Variants in ODF2 observed in about 807,000 individuals in gnomAD.
The protein encoded by ODF2 is outer dense fiber of sperm tails 2, also known as outer dense fiber protein 2.
Under a neutral mutation model 110.2 loss-of-function variants are expected in ODF2, and 47 were observed. The ratio of observed to expected loss-of-function variants is 0.43; its 90% confidence interval spans 0.34 to 0.54. The LOEUF (loss-of-function observed/expected upper bound fraction) is 0.54, where lower values mean the gene tolerates loss of function less well. Among genes scored for constraint, ODF2 ranks in the 20% least tolerant of loss-of-function variants. ODF2 has a pLI of 0.03. For synonymous variants in ODF2, 352 were observed against 397.7 expected (o/e 0.89, Z 1.37); for missense variants, 812 against 1,054.5 (o/e 0.77, Z 3.19).
intron 14 of ODF2, among the ~76,000 whole-genome samples, chr9:128,491,629 A>ACT (rs1371179865): frequency 6.6e-6 from 1 of 151,634 alleles, no homozygotes; most frequent in African/African-American, 2.4e-5. Flanking sequence ...GTGCCTTTGC[A>ACT]CTCCAGCCTG....
At chr9:128,460,222 C>A in intron 3 of ODF2, 3 of 1,318,954 alleles carry the variant, frequency 2.3e-6, no homozygotes, top group Non-Finnish European at 3.0e-6. Flanking sequence ...CAAGGAGGAG[C>A]TGTGCATTCC....
intron 18 of ODF2, among the ~76,000 whole-genome samples, chr9:128,497,325 C>T (rs1333792188): frequency 7.5e-5 from 11 of 147,480 alleles, no homozygotes; most frequent in African/African-American, 1.5e-4. Flanking sequence ...TGGTGTCTCA[C>T]GCCTGTAATC....
At position 128,457,157 on chromosome 9, in the gene ODF2, C is replaced by T. The variant is rs1410363301; in HGVS notation, c.-208-41C>T. 3.3e-6 allele frequency: 5 copies of T among 1,498,188 alleles called. No individual in the cohort carries two copies. The East Asian group carries it at 1.1e-4, about 32-fold the overall frequency. The allele number at this position is 1,498,188 out of a possible 1,614,324, so 92.8% of individuals were successfully genotyped here. A position where few individuals can be genotyped will look rare whatever the true frequency, so the allele number is the denominator to read the frequency against. ...CCCCTCCCCTTCCTCCCCTCTGCCCCCAGGTCGCTCAGCCTCTACTATTTC... is the reference window on the plus strand; with the variant it reads ...CCCCTCCCCTTCCTCCCCTCTGCCCTCAGGTCGCTCAGCCTCTACTATTTC... On this transcript the variant is annotated intron_variant, in intron 1 of 20. Coordinates refer to ENST00000604420, the Ensembl canonical transcript of ODF2.
intron 8 of ODF2, among the ~76,000 whole-genome samples, chr9:128,478,371 G>A (rs985420450): frequency 6.6e-5 from 10 of 152,094 alleles, no homozygotes; most frequent in Non-Finnish European, 1.2e-4. Context: ...GCCGAGGTGG[G>A]CAGATTGCCT....
chr9:128,494,505 T>C lies in ODF2; in HGVS notation c.1753-5T>C. 1 of 1,613,864 alleles carries C rather than the reference T, an allele frequency of 6.2e-7. No individual in the cohort carries two copies. The highest frequency in any genetic ancestry group is 8.5e-7 in the Non-Finnish European group (1 of 1,179,786). Reference sequence around the variant, plus strand: ...CTTCCTGTGGGTCTTTCCTTCCTGTTTCAGGCACGAAGGCAGTTCCAGTCT... The same window carrying C: ...CTTCCTGTGGGTCTTTCCTTCCTGTCTCAGGCACGAAGGCAGTTCCAGTCT... On this transcript the variant is annotated splice_region_variant and splice_polypyrimidine_tract_variant and intron_variant, in intron 16 of 20. Transcript: ENST00000604420. The surrounding 1 kb of genome is among the most constrained non-coding windows in gnomAD (Gnocchi z 4.6).
At chr9:128,474,637 A>C (rs1478245321) in intron 8 of ODF2, among the ~76,000 whole-genome samples, 2 of 143,680 alleles carry the variant, frequency 1.4e-5, no homozygotes, top group African/African-American at 5.2e-5. Flanking sequence ...CTCCAGCCTC[A>C]GCGACAGAGC....
chr9:128,460,017 T>C, intron 3 of ODF2: 1 of 643,930 alleles, frequency 1.6e-6, no homozygotes, highest in Non-Finnish European at 2.5e-6. Context: ...TTGCTCATGT[T>C]TTCTTTAGAA....
At chr9:128,495,189 C>T (rs780561132) in intron 17 of ODF2, among the ~76,000 whole-genome samples, 12 of 152,222 alleles carry the variant, frequency 7.9e-5, no homozygotes, top group Non-Finnish European at 1.6e-4. Flanking sequence ...TCATTTGCAG[C>T]GTGACCTTGG....
rs1835232289 is a variant in ODF2, at chr9:128,457,561, G to A, written c.32+124G>A. 5 of 1,291,870 alleles carry A rather than the reference G, an allele frequency of 3.9e-6. No homozygotes were observed. In the African/African-American group the frequency reaches 4.5e-5, roughly 12 times the overall value. The allele number at this position is 1,291,870 out of a possible 1,614,324, so 80.0% of individuals were successfully genotyped here. ...GTTTGCTGAAAGTCTGGACCAAAAC[G>A]TTTAAAAATCGTTTTTAAAGGGAAG... On this transcript the variant is annotated intron_variant, in intron 2 of 20. Transcript: ENST00000604420.
At chr9:128,483,271 G>C (rs536646469) in intron 10 of ODF2, among the ~76,000 whole-genome samples, 142 of 152,250 alleles carry the variant, frequency 9.3e-4, no homozygotes, top group Non-Finnish European at 1.5e-3. Flanking sequence ...TTTGGGCCGG[G>C]TGCAGTAGCT....
intron 16 of ODF2, 123 bp downstream of exon 16, chr9:128,492,928 T>C: frequency 1.3e-6 from 1 of 744,206 alleles, no homozygotes; most frequent in East Asian, 2.7e-5. Context: ...GTGAGCTCAT[T>C]TTCTCATTGG....
In ODF2 at chr9:128,473,049, G is replaced by A. The variant is rs1840408193; in HGVS notation, c.711+7G>A. 2.5e-6 allele frequency: 4 copies of A among 1,613,222 alleles called. No homozygotes were observed. The highest frequency in any genetic ancestry group is 1.3e-5 in the African/African-American group (1 of 75,012). ...CATCGGGAAGCTGAAAACAGTAGGT[G>A]GCAGGTGGCAGGACCCCAGCCATGG... On this transcript the variant is annotated splice_region_variant and intron_variant, in intron 7 of 20. Coordinates refer to ENST00000604420, the Ensembl canonical transcript of ODF2.
chr9:128,492,721 G>A, exon 16 of ODF2: 2 of 1,614,178 alleles, frequency 1.2e-6, no homozygotes, highest in Non-Finnish European at 1.7e-6. Flanking sequence ...CCAGATTGGA[G>A]GCTGATGAAG....
chr9:128,477,629 G>A (rs1212529797), intron 8 of ODF2, among the ~76,000 whole-genome samples: 3 of 150,588 alleles, frequency 2.0e-5, no homozygotes, highest in Admixed American at 6.6e-5. Context: ...TTTTTGAGAC[G>A]GAGTCTCGCT....
At chr9:128,495,604 A>G (rs1845438066) in intron 17 of ODF2, among the ~76,000 whole-genome samples, 1 of 152,216 alleles carries the variant, frequency 6.6e-6, no homozygotes, top group Non-Finnish European at 1.5e-5. Flanking sequence ...AAAAGGATTG[A>G]CAGATTTCCT....
intron 14 of ODF2, among the ~76,000 whole-genome samples, chr9:128,490,822 A>C (rs943890542): frequency 5.3e-5 from 8 of 152,250 alleles, no homozygotes; most frequent in African/African-American, 1.9e-4. Flanking sequence ...TTTGAGCTTT[A>C]TCTCTCTTTT....
chr9:128,481,530 C>T (rs765485308), intron 8 of ODF2, 50 bp from the exon 9 acceptor site: 9 of 1,369,970 alleles, frequency 6.6e-6, no homozygotes, highest in Non-Finnish European at 9.3e-6. Flanking sequence ...ATGTAGACAT[C>T]TGGGTTTATT....
upstream of ODF2, chr9:128,455,935 GC>G: frequency 1.4e-6 from 2 of 1,401,950 alleles, no homozygotes; most frequent in East Asian, 2.7e-5. Flanking sequence ...GCGAGACCCG[GC>G]CAGGCCCGCT....
At chr9:128,487,825 ACACACAC>A in intron 13 of ODF2, 58 bp from the exon 14 acceptor site, 2 of 1,575,290 alleles carry the variant, frequency 1.3e-6, no homozygotes, top group South Asian at 1.1e-5. Context: ...ACACACACAC[ACACACAC>A]ACAAACAAAC....
Sources: allele counts gnomAD v4.1 joint callset (sites outside exome capture counted in the v4.1 genomes callset), GRCh38; gene constraint gnomAD v4.1.1; non-coding constraint Gnocchi (gnomAD v3.1); transcripts MANE v1.5; gene names NCBI Gene and HGNC (gene_info 2026-07-23, HGNC 2026-07-21).